Variants in MYO9A observed in about 807,000 individuals in gnomAD.
The protein encoded by MYO9A is myosin IXA.
MYO9A carries 103 observed loss-of-function variants against 293.3 expected under a neutral mutation model. The observed-to-expected ratio is 0.35, with a 90% CI of 0.30 to 0.41. The LOEUF (loss-of-function observed/expected upper bound fraction) is 0.41. Ranked by LOEUF, MYO9A falls within the 10% of genes least tolerant of loss-of-function variation. The pLI, the probability that MYO9A is intolerant of heterozygous loss-of-function variation, is 1.00. For synonymous variants in MYO9A, 1,001 were observed against 1,035.7 expected (o/e 0.97, Z 0.64); for missense variants, 2,685 against 3,033.0 (o/e 0.89, Z 2.69).
chr15:72,041,542 A>C (rs1236248259), intron 2 of MYO9A: 3 of 347,844 alleles, frequency 8.6e-6, no homozygotes, highest in African/African-American at 6.5e-5. Context: ...ACTATTTTGC[A>C]TGGTTGTCCT....
intron 18 of MYO9A, among the ~76,000 whole-genome samples, chr15:71,928,337 A>G (rs1204139342): frequency 6.6e-6 from 1 of 151,372 alleles, no homozygotes; most frequent in Non-Finnish European, 1.5e-5. Context: ...TCGGCCTCCC[A>G]AAGTGCTGTC....
At chr15:71,912,254 A>T (rs2057874778) in intron 19 of MYO9A, among the ~76,000 whole-genome samples, 1 of 148,310 alleles carries the variant, frequency 6.7e-6, no homozygotes, top group Non-Finnish European at 1.5e-5. Context: ...TTAAAAAGAG[A>T]AAAGTTTTTT....
intron 16 of MYO9A, among the ~76,000 whole-genome samples, 165 bp from the exon 17 acceptor site, chr15:71,935,649 C>T (rs2058619970): frequency 1.3e-5 from 2 of 152,256 alleles, no homozygotes; most frequent in African/African-American, 4.8e-5. Flanking sequence ...TTGGGACTAA[C>T]CGTTGTCTCA....
chr15:71,854,220 C>CT (rs148839084), intron 35 of MYO9A, among the ~76,000 whole-genome samples, 157 bp downstream of exon 35: 22 of 152,196 alleles, frequency 1.4e-4, no homozygotes, highest in African/African-American at 5.3e-4. Flanking sequence ...ACCAAAGACT[C>CT]TTTAGAAAGC....
intron 1 of MYO9A, among the ~76,000 whole-genome samples, chr15:72,047,838 C>T (rs1456632000): frequency 2.5e-5 from 3 of 122,206 alleles, no homozygotes; most frequent in Non-Finnish European, 4.7e-5. Context: ...AGTACAGCGG[C>T]ATGATCTTGG....
chr15:71,833,753 C>A (rs373805319), intron 39 of MYO9A, among the ~76,000 whole-genome samples: 4 of 152,034 alleles, frequency 2.6e-5, no homozygotes, highest in South Asian at 2.1e-4. Flanking sequence ...ATTAAAAATT[C>A]TTGTATACTC....
At chr15:72,056,647 G>A (rs1406757608) in intron 1 of MYO9A, among the ~76,000 whole-genome samples, 2 of 152,176 alleles carry the variant, frequency 1.3e-5, no homozygotes, top group African/African-American at 4.8e-5. Context: ...CTGCTCAGGC[G>A]ATGGGTGCAC....
chr15:71,912,270 T>C (rs2057877719), intron 19 of MYO9A, among the ~76,000 whole-genome samples: 1 of 152,076 alleles, frequency 6.6e-6, no homozygotes, highest in African/African-American at 2.4e-5. Flanking sequence ...TTTTTTTTTT[T>C]TTCTTGAGAC....
At chr15:71,924,781 G>A (rs183310567) in intron 18 of MYO9A, among the ~76,000 whole-genome samples, 2 of 152,154 alleles carry the variant, frequency 1.3e-5, no homozygotes, top group East Asian at 3.9e-4. Context: ...GTAGCCGGGT[G>A]TGGTGACACA....
At chr15:71,948,958 G>C (rs1276211462) in intron 15 of MYO9A, among the ~76,000 whole-genome samples, 2 of 145,670 alleles carry the variant, frequency 1.4e-5, no homozygotes, top group African/African-American at 5.0e-5. Flanking sequence ...TTGTGAGGGG[G>C]GGGGATGTGA....
chr15:72,118,305 C>T (rs1443576288), upstream of MYO9A: 3 of 249,946 alleles, frequency 1.2e-5, no homozygotes, highest in Non-Finnish European at 2.3e-5. Context: ...TCTTCTTCAC[C>T]TTACGGCAGA....
chr15:72,054,443 C>T (rs980445164), intron 1 of MYO9A, among the ~76,000 whole-genome samples: 5 of 151,980 alleles, frequency 3.3e-5, no homozygotes, highest in Admixed American at 1.3e-4. Flanking sequence ...GGGGCCGAGG[C>T]GGGCGAATCA....
intron 33 of MYO9A, among the ~76,000 whole-genome samples, chr15:71,861,775 T>G (rs1274307319): frequency 6.6e-6 from 1 of 151,296 alleles, no homozygotes; most frequent in Non-Finnish European, 1.5e-5. Flanking sequence ...AAATACTTAA[T>G]GTAATTTTGG....
chr15:71,872,241 G>C (rs1245813921), intron 32 of MYO9A, among the ~76,000 whole-genome samples: 1 of 151,748 alleles, frequency 6.6e-6, no homozygotes, highest in Non-Finnish European at 1.5e-5. Context: ...AAAATCAAGG[G>C]AGGAAGGAAA....
Position 71,886,013 on chromosome 15 carries a change from T to C in MYO9A, c.5255+1991A>G, listed in dbSNP as rs372716032. On this transcript the variant is annotated intron_variant, in intron 27 of 41. Coordinates refer to ENST00000356056, the MANE Select transcript of MYO9A (RefSeq NM_006901.4). Reference sequence around the variant, plus strand: ...GCACCATTTGGTTTCATGAATACAATTGTATTTGTTATGCAAAAGGCCTGT... The same window carrying C: ...GCACCATTTGGTTTCATGAATACAACTGTATTTGTTATGCAAAAGGCCTGT... Among the ~76,000 whole-genome samples, 28 of 152,170 alleles carry C rather than the reference T, an allele frequency of 1.8e-4. No homozygotes were observed. In the East Asian group the frequency reaches 3.3e-3, roughly 18 times the overall value.
At chr15:72,108,733 T>A (rs6494990) in intron 1 of MYO9A, among the ~76,000 whole-genome samples, 103,194 of 150,492 alleles carry the variant, frequency 0.69, 36,304 homozygotes, top group Non-Finnish European at 0.76. Context: ...ATACGAAGTA[T>A]TTTGCAGTAA....
intron 14 of MYO9A, among the ~76,000 whole-genome samples, chr15:71,956,339 A>ATATATATG: frequency 7.6e-6 from 1 of 131,872 alleles, no homozygotes; most frequent in Non-Finnish European, 1.6e-5. Flanking sequence ...AAATATATAT[A>ATATATATG]TATATATATA....
chr15:71,951,717 T>C (rs2059055468), intron 15 of MYO9A, 60 bp downstream of exon 15: 2 of 1,607,814 alleles, frequency 1.2e-6, no homozygotes, highest in Non-Finnish European at 8.5e-7. Flanking sequence ...TGTAGGATGC[T>C]CCTGGTTTCC....
intron 1 of MYO9A, among the ~76,000 whole-genome samples, chr15:72,050,160 GT>G (rs71281961): frequency 4.0e-4 from 57 of 140,974 alleles, no homozygotes; most frequent in African/African-American, 6.7e-4. Flanking sequence ...TTTTTGTTTT[GT>G]TTTTTTTTTT....
Sources: allele counts gnomAD v4.1 joint callset (sites outside exome capture counted in the v4.1 genomes callset), GRCh38; gene constraint gnomAD v4.1.1; transcripts MANE v1.5; gene names NCBI Gene and HGNC (gene_info 2026-07-23, HGNC 2026-07-21).